CYP26A1: variants seen among roughly 807,000 people sequenced by gnomAD.
The protein encoded by CYP26A1 is cytochrome P450 26A1.
CYP26A1 carries 46 observed loss-of-function variants against 47.4 expected under a neutral mutation model. That is an observed-to-expected ratio of 0.97 (90% confidence interval 0.77 to 1.24). The LOEUF (loss-of-function observed/expected upper bound fraction) is 1.24. Ranked by LOEUF, CYP26A1 falls within the 50% of genes most tolerant of loss-of-function variation. The probability of loss-of-function intolerance (pLI) is 0.00; values close to 1 mark genes in which losing one functional copy is unlikely to be tolerated. For synonymous variants in CYP26A1, 277 were observed against 263.7 expected, an observed-to-expected ratio of 1.05 and a Z score of -0.49; for missense variants, 680 against 644.4, an observed-to-expected ratio of 1.06 and a Z score of -0.60.
In CYP26A1 at chr10:93,074,505, C is replaced by T. The variant is rs750496990; in HGVS notation, c.387C>T (p.His129=). 10 of 1,607,332 alleles carry T rather than the reference C, an allele frequency of 6.2e-6. No homozygotes were observed. The highest frequency in any genetic ancestry group is 1.7e-5 in the Admixed American group (1 of 60,004). ...GATCTGGCTGCCTCTCTAACCTGCA[C>T]GACTCCTCGCACAAGCAGCGCAAGA... ...ILGSGCLSNL[H]DSSHKQRKKV... is the part of the protein sequence containing the mutation. Residue 129 remains histidine (H), a synonymous_variant, in exon 2 of 7, where the codon CAC becomes CAT. Coordinates refer to ENST00000224356, the MANE Select transcript of CYP26A1 (RefSeq NM_000783.4). This position sits in a 1 kb window ranked among gnomAD's most constrained non-coding sequence, Gnocchi z 5.3.
At chr10:93,073,673 C>T (rs1846926110), upstream of CYP26A1, 5 of 513,958 alleles carry the variant, frequency 9.7e-6, no homozygotes, top group East Asian at 1.8e-4. Context: ...CCTAGCCCCG[C>T]ACCCCAGGAG....
chr10:93,074,982 C>G lies in CYP26A1; in HGVS notation c.618C>G (p.Ser206=), dbSNP rs776855625. 4 of 1,613,128 alleles carry G rather than the reference C, an allele frequency of 2.5e-6. No individual in the cohort carries two copies. The South Asian group carries it at 3.3e-5, about 13-fold the overall frequency. The change falls in exon 3 of 7, where the codon TCC becomes TCG. Residue 206 remains serine, a synonymous_variant. Coordinates refer to ENST00000224356, the MANE Select transcript of CYP26A1 (RefSeq NM_000783.4). This position sits in a 1 kb window ranked among gnomAD's most constrained non-coding sequence, Gnocchi z 5.3. ...CEPQLAGDGD[S]EQQLVEAFEE... is the part of the protein sequence containing the mutation. ...CCCAACTGGCGGGCGACGGGGACTC[C>G]GAGCAGCAGCTTGTGGAGGCCTTCG...
chr10:93,076,835 A>T (rs1270518454), intron 6 of CYP26A1, 128 bp from the exon 7 acceptor site: 1 of 901,740 alleles, frequency 1.1e-6, no homozygotes, highest in Admixed American at 2.7e-5. Flanking sequence ...ACCTGGATCC[A>T]CCTCTCTCTT....
rs41290186 is a variant in CYP26A1 at position 93,075,818 on chromosome 10, A to G, written c.865-8A>G. 9,562 of 1,609,298 alleles carry G rather than the reference A, an allele frequency of 5.9e-3. 35 individuals carry two copies. Among genetic ancestry groups the G allele is most frequent in the Non-Finnish European group, 7.3e-3 (8,538 of 1,175,632 alleles). ...CTTGTGAGAATGTGGGTCTCACTCT[A>G]TTCTTAGGCACTAAAGCAATCTTCA... On this transcript the variant is annotated splice_region_variant and splice_polypyrimidine_tract_variant and intron_variant, in intron 4 of 6. Transcript: ENST00000224356.
Position 93,074,381 on chromosome 10 carries a change from C to G in CYP26A1, c.263C>G (p.Thr88Ser). 1 of 1,612,074 alleles carries G rather than the reference C, an allele frequency of 6.2e-7. No homozygotes were observed. The change falls in exon 2 of 7, where the codon ACC becomes AGC. Residue 88 changes from threonine to serine, a missense_variant. Coordinates refer to ENST00000224356, the MANE Select transcript of CYP26A1 (RefSeq NM_000783.4). The surrounding 1 kb of genome is among the most constrained non-coding windows in gnomAD (Gnocchi z 5.3). ...AAGACGCATCTGTTCGGGCGGCCCA[C>G]CGTACGGGTGATGGGCGCGGACAAT... ...IYKTHLFGRP[T>S]VRVMGADNVR...
rs1846979878 is a variant in CYP26A1 at position 93,076,572 on chromosome 10, A to G, written c.1028A>G (p.Asn343Ser). Residue 343 changes from asparagine (N) to serine (S), a missense_variant, in exon 6 of 7, where the codon AAC becomes AGC. Physicochemically the swap from Asn to Ser is conservative, Grantham distance 46. Transcript: ENST00000224356. ...TTACTTTGCAAGAGCAATCAAGACA[A>G]CAAGTTGGACATGGAAATTTTGGAA... ...KGLLCKSNQD[N>S]KLDMEILEQL... The G allele has an allele frequency of 1.2e-6, 2 of 1,608,922 alleles. No homozygotes were observed. Among genetic ancestry groups the G allele is most frequent in the Non-Finnish European group, 1.7e-6 (2 of 1,175,828 alleles).
chr10:93,074,740 G>A lies in CYP26A1; in HGVS notation c.415-39G>A. 3 of 1,540,768 alleles carry A rather than the reference G, an allele frequency of 1.9e-6. No individual in the cohort carries two copies. The highest frequency in any genetic ancestry group is 2.6e-6 in the Non-Finnish European group (3 of 1,136,654). ...GGGACGGCGGTAGACGAGAGGGGCGGATGGAGGCTTTTAACGCTGTCCCCT... is the reference window on the plus strand; with the variant it reads ...GGGACGGCGGTAGACGAGAGGGGCGAATGGAGGCTTTTAACGCTGTCCCCT... On this transcript the variant is annotated intron_variant, in intron 2 of 6. Transcript: ENST00000224356. The surrounding 1 kb of genome is among the most constrained non-coding windows in gnomAD (Gnocchi z 5.3).
rs768181423 is a variant in CYP26A1, at chr10:93,074,883, C to A, written c.519C>A (p.Arg173=). The change falls in exon 3 of 7, where the codon CGC becomes CGA. Residue 173 remains arginine (R), a synonymous_variant. Coordinates refer to ENST00000224356, the MANE Select transcript of CYP26A1 (RefSeq NM_000783.4). This position sits in a 1 kb window ranked among gnomAD's most constrained non-coding sequence, Gnocchi z 5.3. ...SLEQWLSCGE[R]GLLVYPEVKR... is the part of the protein sequence containing the mutation. ...AGCAGTGGCTGAGCTGCGGCGAGCG[C>A]GGCCTCCTGGTCTACCCCGAGGTGA... 3 of 1,612,990 alleles carry A rather than the reference C, an allele frequency of 1.9e-6. No individual in the cohort carries two copies. The South Asian group carries it at 3.3e-5, about 18-fold the overall frequency.
chr10:93,074,662 T>C lies in CYP26A1; in HGVS notation c.415-117T>C. The C allele has an allele frequency of 9.0e-7, 1 of 1,115,292 alleles. No individual in the cohort carries two copies. Among genetic ancestry groups the C allele is most frequent in the South Asian group, 1.4e-5 (1 of 72,954 alleles). The allele number at this position is 1,115,292 out of a possible 1,614,324, so 69.1% of individuals were successfully genotyped here. A position where few individuals can be genotyped will look rare whatever the true frequency, so the allele number is the denominator to read the frequency against. On this transcript the variant is annotated intron_variant, in intron 2 of 6. Coordinates refer to ENST00000224356, the MANE Select transcript of CYP26A1 (RefSeq NM_000783.4). The surrounding 1 kb of genome is among the most constrained non-coding windows in gnomAD (Gnocchi z 5.3). ...GACCCTCTGCCAGCTCCAGGTTAGCTTTCCCAGCTCGGAGAGTGCCATGTG... is the reference window on the plus strand; with the variant it reads ...GACCCTCTGCCAGCTCCAGGTTAGCCTTCCCAGCTCGGAGAGTGCCATGTG...
At position 93,073,932 on chromosome 10, in the gene CYP26A1, G is replaced by C. The variant is rs766113524; in HGVS notation, c.-3G>C. 2 of 948,286 alleles carry C rather than the reference G, an allele frequency of 2.1e-6. No individual in the cohort carries two copies. The allele number at this position is 948,286 out of a possible 1,614,324, so 58.7% of individuals were successfully genotyped here. A position where few individuals can be genotyped will look rare whatever the true frequency, so the allele number is the denominator to read the frequency against. ...CAGGTGGCGCGGGAGGTCGCGGCGC[G>C]CCATGGGGCTCCCGGCGCTGCTGGC... On this transcript the variant is annotated 5_prime_UTR_variant, in exon 1 of 7. Transcript: ENST00000224356.
chr10:93,075,409 T>C, intron 4 of CYP26A1, 102 bp downstream of exon 4: 2 of 1,095,998 alleles, frequency 1.8e-6, no homozygotes, highest in East Asian at 2.6e-5. Flanking sequence ...CCCAGCTTTC[T>C]GGAGTGGGCG....
Position 93,074,631 on chromosome 10 carries a change from G to T in CYP26A1, c.414+99G>T. 2 of 1,064,194 alleles carry T rather than the reference G, an allele frequency of 1.9e-6. No individual in the cohort carries two copies. The highest frequency in any genetic ancestry group is 2.7e-5 in the South Asian group (2 of 74,564). 65.9% of individuals were successfully genotyped at this position (1,064,194 alleles called of 1,614,324 possible). A position where few individuals can be genotyped will look rare whatever the true frequency, so the allele number is the denominator to read the frequency against. ...AGGCGCGGGCTAGCAGCTTGAGGTG[G>T]GCTAGGACCCTCTGCCAGCTCCAGG... is the stretch of plus-strand genomic sequence containing the variant. On this transcript the variant is annotated intron_variant, in intron 2 of 6. Transcript: ENST00000224356. The surrounding 1 kb of genome is among the most constrained non-coding windows in gnomAD (Gnocchi z 5.3).
intron 4 of CYP26A1, chr10:93,075,528 G>A (rs1467090104): frequency 1.7e-6 from 1 of 598,898 alleles, no homozygotes. Flanking sequence ...AGCCTTTCCA[G>A]GTTTCAAAGG....
chr10:93,076,782 C>T (rs1846983469), intron 6 of CYP26A1, 86 bp downstream of exon 6: 1 of 1,113,630 alleles, frequency 9.0e-7, no homozygotes, highest in Admixed American at 2.3e-5. Context: ...AATTCTTATG[C>T]TTTTGATAAT....
chr10:93,075,356 T>G, intron 4 of CYP26A1, 49 bp downstream of exon 4: 1 of 1,574,966 alleles, frequency 6.3e-7, no homozygotes, highest in Non-Finnish European at 8.7e-7. Context: ...TCCCCTGGCT[T>G]TCCAAGCGCT....
In CYP26A1 at chr10:93,074,124, G is replaced by GGTTTTT; in HGVS notation, c.189+1_189+2insGTTTTT. On this transcript the variant is annotated splice_donor_variant, in intron 1 of 6. Coordinates refer to ENST00000224356, the MANE Select transcript of CYP26A1 (RefSeq NM_000783.4). LOFTEE classifies it high-confidence loss of function. The surrounding 1 kb of genome is among the most constrained non-coding windows in gnomAD (Gnocchi z 5.3). ...GGAAACCTTGCAGATGGTACTGCAG[G>GGTTTTT]TAAGGGAGGGTGGGGCGGGACAGGC... 1 of 553,968 alleles carries GGTTTTT rather than the reference G, an allele frequency of 1.8e-6. No homozygotes were observed. The highest frequency in any genetic ancestry group is 3.3e-6 in the Non-Finnish European group (1 of 302,286). 34.3% of individuals were successfully genotyped at this position (553,968 alleles called of 1,614,324 possible).
rs775530645 is a variant in CYP26A1 at position 93,075,174 on chromosome 10, A to G, written c.731A>G (p.His244Arg). ...YRGMKARNLI[H>R]ARIEQNIRAK... ...GGCATGAAGGCGCGGAACCTCATTC[A>G]CGCGCGCATCGAGCAGAACATTCGC... The change falls in exon 4 of 7, where the codon CAC (histidine) becomes CGC (arginine). Residue 244 changes from histidine (H) to arginine (R), a missense_variant. His to Arg is a conservative substitution (Grantham distance 29, BLOSUM62 0). Coordinates refer to ENST00000224356, the MANE Select transcript of CYP26A1 (RefSeq NM_000783.4). 2 of 1,613,642 alleles carry G rather than the reference A, an allele frequency of 1.2e-6. No individual in the cohort carries two copies. Among genetic ancestry groups the G allele is most frequent in the Non-Finnish European group, 1.7e-6 (2 of 1,179,920 alleles).
intron 4 of CYP26A1, 93 bp downstream of exon 4, chr10:93,075,400 C>T (rs1846965892): frequency 3.2e-6 from 4 of 1,244,682 alleles, no homozygotes; most frequent in Non-Finnish European, 4.5e-6. Context: ...CGCCTGGGGC[C>T]CAGCTTTCTG....
Position 93,075,807 on chromosome 10 carries a change from G to GGT in CYP26A1, c.865-18_865-17dup. ...CCGCAGGCAGACTTGTGAGAATGTG[G>GGT]GTCTCACTCTATTCTTAGGCACTAA... is the stretch of plus-strand genomic sequence containing the variant. On this transcript the variant is annotated intron_variant, in intron 4 of 6. Transcript: ENST00000224356. The GGT allele has an allele frequency of 6.2e-7, 1 of 1,600,776 alleles. No individual in the cohort carries two copies. The highest frequency in any genetic ancestry group is 1.3e-5 in the African/African-American group (1 of 74,778).
Sources: allele counts gnomAD v4.1 joint callset, GRCh38; gene constraint gnomAD v4.1.1; non-coding constraint Gnocchi (gnomAD v3.1); transcripts MANE v1.5; gene names NCBI Gene and HGNC (gene_info 2026-07-23, HGNC 2026-07-21).